SORBS2: variants seen among roughly 807,000 people sequenced by gnomAD.
SORBS2 encodes sorbin and SH3 domain-containing protein 2.
Under a neutral mutation model 97.7 loss-of-function variants are expected in SORBS2, and 46 were observed. The ratio of observed to expected loss-of-function variants is 0.47; its 90% CI spans 0.37 to 0.60. SORBS2 has a LOEUF of 0.60. SORBS2 is among the 20% of genes least tolerant of loss of function. The pLI is 0.00. For synonymous variants in SORBS2, 476 were observed against 473.4 expected (o/e 1.01, Z -0.07); for missense variants, 1,316 against 1,282.3 (o/e 1.03, Z -0.40).
chr4:185,865,744 G>C (rs758023207), intron 1 of SORBS2, among the ~76,000 whole-genome samples: 2 of 152,150 alleles, frequency 1.3e-5, no homozygotes, highest in Non-Finnish European at 2.9e-5. Context: ...CTCTGGTTCT[G>C]GTCTCAGAGA....
At chr4:185,788,678 C>A (rs892007206) in intron 1 of SORBS2, among the ~76,000 whole-genome samples, 4 of 152,158 alleles carry the variant, frequency 2.6e-5, no homozygotes, top group Non-Finnish European at 5.9e-5. Context: ...ATCTTACCTG[C>A]AAAGACAGAG....
rs2097213451 is a variant in SORBS2 at position 185,646,661 on chromosome 4, T to C, written c.396+7A>G. 1.9e-6 allele frequency: 3 copies of C among 1,572,002 alleles called. No individual in the cohort carries two copies. Among genetic ancestry groups the C allele is most frequent in the Admixed American group, 3.3e-5 (2 of 59,950 alleles). Reference sequence around the variant, plus strand: ...CTGGCATATTCTGTTTAATGACAAGTGCTTACTGGTCTTTCATGCTGAAGA... The same window carrying C: ...CTGGCATATTCTGTTTAATGACAAGCGCTTACTGGTCTTTCATGCTGAAGA... On this transcript the variant is annotated splice_region_variant and intron_variant, in intron 4 of 14. Transcript: ENST00000418609.
At chr4:185,698,301 C>T (rs1465694494) in intron 2 of SORBS2, among the ~76,000 whole-genome samples, 2 of 152,064 alleles carry the variant, frequency 1.3e-5, no homozygotes, top group Non-Finnish European at 2.9e-5. Flanking sequence ...CATGACGAAA[C>T]CCCTGCCTCT....
intron 1 of SORBS2, among the ~76,000 whole-genome samples, chr4:185,922,077 T>C (rs2149925601): frequency 6.6e-6 from 1 of 152,354 alleles, no homozygotes; most frequent in Admixed American, 6.5e-5. Context: ...GAGCCCCTGA[T>C]TTATTTACAC....
chr4:185,607,498 T>C lies in SORBS2; in HGVS notation c.2796+4282A>G. ...ATGTTTAACATAGATTTGAAGACATTTAGAAGATATCTAGATTTGAAGGTA... is the reference window on the plus strand; with the variant it reads ...ATGTTTAACATAGATTTGAAGACATCTAGAAGATATCTAGATTTGAAGGTA... On this transcript the variant is annotated intron_variant, in intron 12 of 14. Coordinates refer to ENST00000418609, the Ensembl canonical transcript of SORBS2. The surrounding 1 kb of genome is among the most constrained non-coding windows in gnomAD (Gnocchi z 5.2). 1 of 349,486 alleles carries C rather than the reference T, an allele frequency of 2.9e-6. No homozygotes were observed. Among genetic ancestry groups the C allele is most frequent in the Middle Eastern group, 1.0e-3 (1 of 972 alleles). 21.6% of individuals were successfully genotyped at this position (349,486 alleles called of 1,614,324 possible). A position where few individuals can be genotyped will look rare whatever the true frequency, so the allele number is the denominator to read the frequency against.
intron 1 of SORBS2, among the ~76,000 whole-genome samples, chr4:185,797,279 C>T (rs566144332): frequency 6.6e-6 from 1 of 152,304 alleles, no homozygotes; most frequent in East Asian, 1.9e-4. Context: ...TTCTCCCGGC[C>T]CCGTCACCTT....
chr4:185,909,851 G>A (rs926307137), intron 1 of SORBS2, among the ~76,000 whole-genome samples: 1 of 152,052 alleles, frequency 6.6e-6, no homozygotes, highest in Non-Finnish European at 1.5e-5. Flanking sequence ...AGGCATGGTG[G>A]CAGGTGCCTG....
In SORBS2 at chr4:185,681,418, C is replaced by T. The variant is rs573425822; in HGVS notation, c.-197-2596G>A. On this transcript the variant is annotated intron_variant, in intron 2 of 20. Transcript: ENST00000284776. Reference sequence around the variant, plus strand: ...ATAGGTTAGAAAAAAAAAAAAAAGTCGCCCAGGTAAATGGCTTGGCAGATG... The same window carrying T: ...ATAGGTTAGAAAAAAAAAAAAAAGTTGCCCAGGTAAATGGCTTGGCAGATG... Among the ~76,000 whole-genome samples the T allele has an allele frequency of 5.6e-4, 85 of 150,752 alleles. 2 individuals carry two copies. The Middle Eastern group carries it at 0.024, about 43-fold the overall frequency.
At chr4:185,928,229 G>A (rs1443827443) in intron 1 of SORBS2, among the ~76,000 whole-genome samples, 1 of 152,064 alleles carries the variant, frequency 6.6e-6, no homozygotes, top group Non-Finnish European at 1.5e-5. Flanking sequence ...AACATAGAGA[G>A]ATCCTGTCTC....
intron 1 of SORBS2, among the ~76,000 whole-genome samples, chr4:185,948,933 T>A (rs1300449066): frequency 6.6e-6 from 1 of 152,090 alleles, no homozygotes; most frequent in Non-Finnish European, 1.5e-5. Context: ...TTAGATAAAA[T>A]GTTTAAAACA....
At chr4:185,874,232 A>C (rs1319836642) in intron 1 of SORBS2, among the ~76,000 whole-genome samples, 1 of 152,242 alleles carries the variant, frequency 6.6e-6, no homozygotes, top group Non-Finnish European at 1.5e-5. Flanking sequence ...ATATTTATTA[A>C]TATGGAAAAT....
chr4:185,725,230 C>A (rs947840785), intron 2 of SORBS2, among the ~76,000 whole-genome samples: 56 of 152,252 alleles, frequency 3.7e-4, no homozygotes, highest in Admixed American at 2.4e-3. Flanking sequence ...CTGCTATAAT[C>A]CATTAGTTAC....
intron 12 of SORBS2, among the ~76,000 whole-genome samples, chr4:185,608,478 T>A (rs776825628): frequency 1.3e-5 from 2 of 149,878 alleles, no homozygotes; most frequent in South Asian, 2.1e-4. Flanking sequence ...AGAGGAGGTA[T>A]GAGTTATGAA....
At chr4:185,711,722 T>A (rs1387159480) in intron 2 of SORBS2, among the ~76,000 whole-genome samples, 2 of 152,162 alleles carry the variant, frequency 1.3e-5, no homozygotes, top group African/African-American at 4.8e-5. Context: ...TGTCCAAATG[T>A]GTTTGAATGA....
intron 1 of SORBS2, among the ~76,000 whole-genome samples, chr4:185,814,782 C>T (rs1423027188): frequency 6.6e-6 from 1 of 152,218 alleles, no homozygotes; most frequent in Admixed American, 6.5e-5. Flanking sequence ...CCCGGCATCT[C>T]TACTGGCCTT....
chr4:185,700,159 T>G (rs1038650542), intron 2 of SORBS2, among the ~76,000 whole-genome samples: 9 of 152,186 alleles, frequency 5.9e-5, no homozygotes, highest in African/African-American at 2.2e-4. Context: ...TTTCAAAAAT[T>G]TATATGGAAT....
Position 185,599,138 on chromosome 4 carries a change from A to T in SORBS2, c.2797-5203T>A, listed in dbSNP as rs149028917. On this transcript the variant is annotated intron_variant, in intron 12 of 14. Transcript: ENST00000418609. ...GTGGCATGAATGCAGAATAATATCG[A>T]CTTTTCTTTAGAAATAAAAAATGAA... Among the ~76,000 whole-genome samples the T allele has an allele frequency of 3.3e-4, 51 of 152,330 alleles. No individual in the cohort carries two copies. In the East Asian group the frequency reaches 9.6e-3, roughly 29 times the overall value.
intron 12 of SORBS2, among the ~76,000 whole-genome samples, chr4:185,597,942 C>T (rs1222398503): frequency 6.6e-6 from 1 of 152,200 alleles, no homozygotes; most frequent in African/African-American, 2.4e-5. Flanking sequence ...ATGTTCTTCC[C>T]TCCCCACGTT....
intron 4 of SORBS2, among the ~76,000 whole-genome samples, chr4:185,665,045 A>G (rs2097576685): frequency 6.6e-6 from 1 of 152,220 alleles, no homozygotes; most frequent in African/African-American, 2.4e-5. Flanking sequence ...TAATATATGT[A>G]TGGAAAAGAT....
Sources: gnomAD v4.1 joint callset for allele counts (sites outside exome capture counted in the v4.1 genomes callset) on GRCh38, gnomAD v4.1.1 for gene constraint, Gnocchi (gnomAD v3.1) non-coding constraint, MANE v1.5 for transcripts, NCBI Gene and HGNC (gene_info 2026-07-23, HGNC 2026-07-21) for gene names.